ANKRD11: variants seen among roughly 807,000 people sequenced by gnomAD.
ANKRD11 encodes the protein ankyrin repeat domain-containing protein 11.
ANKRD11 carries 17 observed loss-of-function variants against 195.7 expected under a neutral mutation model. The ratio of observed to expected loss-of-function variants is 0.09; its 90% CI spans 0.06 to 0.13. The LOEUF is 0.13. Ranked by LOEUF, ANKRD11 falls within the 10% of genes least tolerant of loss-of-function variation. The pLI, the probability that ANKRD11 is intolerant of heterozygous loss-of-function variation, is 1.00. For missense variants in ANKRD11, 3,735 were observed against 3,566.1 expected (o/e 1.05, Z -1.21); for synonymous variants, 1,953 against 1,528.1 (o/e 1.28, Z -6.49).
intron 1 of ANKRD11, among the ~76,000 whole-genome samples, chr16:89,442,526 C>A (rs2152296927): frequency 6.6e-6 from 1 of 152,316 alleles, no homozygotes. Flanking sequence ...TTCTCTCTCT[C>A]TCAATACCCC....
intron 7 of ANKRD11, chr16:89,286,404 C>T (rs999870202): frequency 2.0e-5 from 14 of 687,808 alleles, no homozygotes; most frequent in African/African-American, 7.2e-5. Context: ...GGGCTGCAGC[C>T]GCGGGGGCTC....
chr16:89,435,270 T>TA, intron 1 of ANKRD11, among the ~76,000 whole-genome samples: 1 of 152,018 alleles, frequency 6.6e-6, no homozygotes, highest in Non-Finnish European at 1.5e-5. Context: ...CAGCACTCTG[T>TA]AAAATGGCCC....
At chr16:89,361,428 C>T (rs182162410) in intron 2 of ANKRD11, 1 of 152,426 alleles carries the variant, frequency 6.6e-6, no homozygotes, top group East Asian at 1.9e-4. Context: ...AGGTGACTGT[C>T]TTCATCATCA....
chr16:89,444,905 C>T (rs1325380703), intron 1 of ANKRD11, among the ~76,000 whole-genome samples: 1 of 152,254 alleles, frequency 6.6e-6, no homozygotes, highest in Non-Finnish European at 1.5e-5. Flanking sequence ...CAGGGAACCA[C>T]CACCTAAAGA....
chr16:89,282,444 G>C lies in ANKRD11; in HGVS notation c.4098C>G (p.Ala1366=). 6.2e-7 allele frequency: 1 copy of C among 1,613,978 alleles called. No individual in the cohort carries two copies. The highest frequency in any genetic ancestry group is 8.5e-7 in the Non-Finnish European group (1 of 1,180,016). ...CTTTCTTCTCGGCCTTCTCTTTCTT[G>C]GCTCGCTCTCGGTCGTGGCTCTTCT... ...SSKKSHDRER[A]KKEKAEKKEK... Residue 1366 remains alanine, a synonymous_variant, in exon 9 of 13, where the codon GCC becomes GCG. Transcript: ENST00000301030.
At chr16:89,309,553 C>T (rs911324564) in intron 3 of ANKRD11, among the ~76,000 whole-genome samples, 10 of 152,212 alleles carry the variant, frequency 6.6e-5, no homozygotes, top group Admixed American at 6.5e-5. Flanking sequence ...CAACGAGCTG[C>T]GCAAGGAAAA....
intron 1 of ANKRD11, among the ~76,000 whole-genome samples, chr16:89,455,171 C>G (rs992333769): frequency 2.1e-5 from 3 of 140,194 alleles, no homozygotes; most frequent in Admixed American, 7.1e-5. Context: ...AAGCTGCTCC[C>G]CTGGGTGCTT....
At chr16:89,408,843 A>AT (rs1378162607) in intron 2 of ANKRD11, among the ~76,000 whole-genome samples, 13 of 152,300 alleles carry the variant, frequency 8.5e-5, no homozygotes, top group Non-Finnish European at 2.9e-5. Context: ...ATTTTCTGGG[A>AT]TTTTGTAGGA....
At chr16:89,451,107 C>G (rs890684519) in intron 1 of ANKRD11, among the ~76,000 whole-genome samples, 2 of 152,196 alleles carry the variant, frequency 1.3e-5, no homozygotes, top group African/African-American at 4.8e-5. Flanking sequence ...AAACCTATGG[C>G]TGGCAAAGTT....
At chr16:89,383,740 C>T (rs1012188660) in intron 2 of ANKRD11, among the ~76,000 whole-genome samples, 14 of 152,136 alleles carry the variant, frequency 9.2e-5, no homozygotes, top group Non-Finnish European at 1.9e-4. Flanking sequence ...CCCCTGCACT[C>T]GGACCAGCAA....
chr16:89,307,266 A>C (rs1347260348), intron 3 of ANKRD11, among the ~76,000 whole-genome samples: 2 of 152,142 alleles, frequency 1.3e-5, no homozygotes, highest in African/African-American at 4.8e-5. Context: ...GGAGAAGCCC[A>C]AGCATCCCCA....
intron 2 of ANKRD11, among the ~76,000 whole-genome samples, chr16:89,381,535 A>C (rs1420373416): frequency 6.6e-6 from 1 of 152,194 alleles, no homozygotes; most frequent in Admixed American, 6.5e-5. Context: ...CTAGTTTATA[A>C]AACATGCACT....
chr16:89,325,633 TGGAA>T (rs1307400304), intron 2 of ANKRD11, among the ~76,000 whole-genome samples: 2 of 152,182 alleles, frequency 1.3e-5, no homozygotes, highest in African/African-American at 4.8e-5. Context: ...CGGATGGAAT[TGGAA>T]GGGACGGTGA....
At chr16:89,292,827 G>A (rs986858998) in intron 4 of ANKRD11, among the ~76,000 whole-genome samples, 4 of 152,384 alleles carry the variant, frequency 2.6e-5, no homozygotes, top group Non-Finnish European at 5.9e-5. Context: ...CAGTGAGCTT[G>A]GGTCACAGGC....
chr16:89,298,634 C>G (rs1275267497), intron 4 of ANKRD11, among the ~76,000 whole-genome samples: 1 of 152,202 alleles, frequency 6.6e-6, no homozygotes, highest in Non-Finnish European at 1.5e-5. Flanking sequence ...CTCGGGTGGT[C>G]TTGTGGACCC....
intron 1 of ANKRD11, among the ~76,000 whole-genome samples, chr16:89,479,308 C>T (rs2057361959): frequency 1.3e-5 from 2 of 151,938 alleles, no homozygotes; most frequent in African/African-American, 2.4e-5. Context: ...GGAAAGTTTG[C>T]CTCCTAGATA....
chr16:89,282,658 T>C lies in ANKRD11; in HGVS notation c.3884A>G (p.Asp1295Gly). 1.2e-6 allele frequency: 2 copies of C among 1,614,018 alleles called. No homozygotes were observed. The highest frequency in any genetic ancestry group is 2.2e-5 in the East Asian group (1 of 44,876). ...EEEALHEYRE[D>G]SNDKISEVSS... ...GACCTCGCTGATTTTATCGTTGGAG[T>C]CTTCTCTGTACTCATGGAGAGCCTC... The change falls in exon 9 of 13, where the codon GAC becomes GGC. Residue 1295 changes from aspartate to glycine, a missense_variant. By Grantham distance (94) the Asp-to-Gly change is moderately conservative. Transcript: ENST00000301030.
At chr16:89,442,583 C>G (rs1171046076) in intron 1 of ANKRD11, among the ~76,000 whole-genome samples, 3 of 152,170 alleles carry the variant, frequency 2.0e-5, no homozygotes, top group Non-Finnish European at 4.4e-5. Flanking sequence ...TGGACAGTAT[C>G]ATTCAGGAAC....
At chr16:89,453,236 C>G (rs538460492) in intron 1 of ANKRD11, among the ~76,000 whole-genome samples, 15 of 152,326 alleles carry the variant, frequency 9.8e-5, no homozygotes, top group African/African-American at 3.4e-4. Flanking sequence ...CACTACTTCT[C>G]TGACATTAAA....
Sources: allele counts gnomAD v4.1 joint callset (sites outside exome capture counted in the v4.1 genomes callset), GRCh38; gene constraint gnomAD v4.1.1; transcripts MANE v1.5; gene names NCBI Gene and HGNC (gene_info 2026-07-23, HGNC 2026-07-21).